The following FAM163A variants were observed in gnomAD, a reference collection of about 807,000 sequenced individuals.
FAM163A encodes family with sequence similarity 163 member A, also known as protein FAM163A.
A neutral mutation model predicts 12.0 loss-of-function variants in FAM163A; 7 were observed. The observed-to-expected ratio is 0.58, with a 90% CI of 0.33 to 1.10. FAM163A has a LOEUF of 1.10. FAM163A is among the 50% of genes least tolerant of loss of function. The pLI is 0.03. For synonymous variants in FAM163A, 101 were observed against 91.0 expected (o/e 1.11, Z -0.62); for missense variants, 202 against 218.6 (o/e 0.92, Z 0.48).
intron 1 of FAM163A, among the ~76,000 whole-genome samples, chr1:179,756,701 A>G (rs930068647): frequency 2.0e-5 from 3 of 152,206 alleles, no homozygotes; most frequent in African/African-American, 7.2e-5. Context: ...TAAGGCAGGC[A>G]TGGTGAGGCA....
intron 1 of FAM163A, among the ~76,000 whole-genome samples, chr1:179,771,128 C>T (rs935534940): frequency 6.6e-6 from 1 of 152,152 alleles, no homozygotes; most frequent in Admixed American, 6.5e-5. Context: ...GCCACTACCA[C>T]CCCACCCCAT....
At chr1:179,797,563 C>T (rs1181437581) in intron 1 of FAM163A, among the ~76,000 whole-genome samples, 5 of 152,012 alleles carry the variant, frequency 3.3e-5, no homozygotes, top group Non-Finnish European at 7.4e-5. Context: ...TGAAAATTGC[C>T]AAGAGAGTAC....
At chr1:179,747,181 A>T (rs1346291120) in intron 1 of FAM163A, among the ~76,000 whole-genome samples, 1 of 148,684 alleles carries the variant, frequency 6.7e-6, no homozygotes, top group African/African-American at 2.5e-5. Context: ...AAAAAAAAAA[A>T]GGTTTGACAT....
At chr1:179,805,562 T>C (rs1208819613) in intron 1 of FAM163A, among the ~76,000 whole-genome samples, 1 of 150,352 alleles carries the variant, frequency 6.7e-6, no homozygotes, top group Non-Finnish European at 1.5e-5. Context: ...AAAAAAGGAA[T>C]GCATAATAAT....
At chr1:179,811,256 G>T (rs1448954758) in intron 2 of FAM163A, among the ~76,000 whole-genome samples, 1 of 152,178 alleles carries the variant, frequency 6.6e-6, no homozygotes, top group Non-Finnish European at 1.5e-5. Context: ...GGGTATGAAG[G>T]AAGGCTTAAC....
chr1:179,772,857 T>C (rs1033964583), intron 1 of FAM163A, among the ~76,000 whole-genome samples: 8 of 151,528 alleles, frequency 5.3e-5, no homozygotes, highest in Non-Finnish European at 1.2e-4. Flanking sequence ...TGGCTCTAGA[T>C]GGCTGCTAGA....
chr1:179,738,888 G>GAA (rs1683302862), upstream of FAM163A, among the ~76,000 whole-genome samples: 1 of 152,160 alleles, frequency 6.6e-6, no homozygotes, highest in African/African-American at 2.4e-5. Context: ...GGAATAAAGT[G>GAA]GGCAGAATCA....
chr1:179,806,934 T>A (rs1399793582), intron 1 of FAM163A, among the ~76,000 whole-genome samples: 3 of 152,084 alleles, frequency 2.0e-5, no homozygotes, highest in Non-Finnish European at 2.9e-5. Flanking sequence ...TGAAACTCTA[T>A]CTCTACTAAA....
intron 1 of FAM163A, among the ~76,000 whole-genome samples, chr1:179,805,346 C>A (rs903930118): frequency 6.6e-6 from 1 of 152,054 alleles, no homozygotes; most frequent in Non-Finnish European, 1.5e-5. Context: ...GGTGAAACCC[C>A]ATTTCTACTA....
intron 1 of FAM163A, among the ~76,000 whole-genome samples, chr1:179,795,954 TTCTC>T (rs1162156502): frequency 1.3e-5 from 1 of 79,714 alleles, no homozygotes; most frequent in Non-Finnish European, 2.4e-5. Context: ...ACAGGAGTCT[TTCTC>T]TATTATTATT....
At chr1:179,739,468 G>A (rs1683382946), upstream of FAM163A, among the ~76,000 whole-genome samples, 1 of 152,190 alleles carries the variant, frequency 6.6e-6, no homozygotes, top group African/African-American at 2.4e-5. Flanking sequence ...AGCCTCCCAG[G>A]ATGGTTTTGA....
rs200790225 is a variant in FAM163A, at chr1:179,764,009, CAG to C, written c.-136+20597_-136+20598del. Among the ~76,000 whole-genome samples the C allele has an allele frequency of 1.1e-4, 16 of 152,144 alleles. No homozygotes were observed. In the South Asian group the frequency reaches 3.1e-3, roughly 30 times the overall value. On this transcript the variant is annotated intron_variant, in intron 1 of 4. Transcript: ENST00000341785. ...AAGACTACACACACACAAAGAGAGACAGAGAGAGAGAGTGCATGCTCTTTGTA... is the reference window on the plus strand; with the variant it reads ...AAGACTACACACACACAAAGAGAGACAGAGAGAGAGTGCATGCTCTTTGTA...
the FAM163A span, among the ~76,000 whole-genome samples, chr1:179,728,514 G>C: frequency 1.3e-5 from 2 of 152,110 alleles, no homozygotes; most frequent in Non-Finnish European, 2.9e-5. Flanking sequence ...TGCAGCTCCT[G>C]TTGCAGCTTC....
intron 1 of FAM163A, among the ~76,000 whole-genome samples, chr1:179,790,870 A>G (rs779377200): frequency 2.6e-5 from 4 of 152,200 alleles, no homozygotes; most frequent in Non-Finnish European, 4.4e-5. Context: ...GGGATAAAAG[A>G]GGGAAATTCC....
At chr1:179,807,350 T>C (rs763354383) in intron 1 of FAM163A, among the ~76,000 whole-genome samples, 2 of 151,786 alleles carry the variant, frequency 1.3e-5, no homozygotes, top group South Asian at 4.2e-4. Flanking sequence ...CTGGGAAAAA[T>C]AGGCCCGGGA....
At chr1:179,759,682 T>G (rs1350731760) in intron 1 of FAM163A, among the ~76,000 whole-genome samples, 5 of 152,002 alleles carry the variant, frequency 3.3e-5, no homozygotes, top group Non-Finnish European at 7.4e-5. Flanking sequence ...CCTTTTTTTT[T>G]TTGAGACAGA....
Position 179,816,103 on chromosome 1 carries a change from A to G in FAM163A, c.*1914A>G, listed in dbSNP as rs1400465948. On this transcript the variant is annotated 3_prime_UTR_variant, in exon 5 of 5. Transcript: ENST00000341785. ...CACTCCCTCTTGCCCTAATCCTGGC[A>G]GGGTCTGGATGTATTTACCCAACTC... 1 of 152,258 alleles carries G rather than the reference A, an allele frequency of 6.6e-6. No individual in the cohort carries two copies. The highest frequency in any genetic ancestry group is 2.4e-5 in the African/African-American group (1 of 41,460). The allele number at this position is 152,258 out of a possible 1,614,324, so 9.4% of individuals were successfully genotyped here.
intron 1 of FAM163A, among the ~76,000 whole-genome samples, chr1:179,751,830 A>G (rs955236131): frequency 1.3e-5 from 2 of 152,238 alleles, no homozygotes; most frequent in Non-Finnish European, 2.9e-5. Context: ...AAATGGAAAG[A>G]CATCCTGTGT....
chr1:179,779,621 G>T (rs1445102505), intron 1 of FAM163A, among the ~76,000 whole-genome samples: 1 of 152,222 alleles, frequency 6.6e-6, no homozygotes, highest in Non-Finnish European at 1.5e-5. Flanking sequence ...TGGCTTTCTA[G>T]ACATTTGAGA....
Sources: gnomAD v4.1 joint callset for allele counts (sites outside exome capture counted in the v4.1 genomes callset) on GRCh38, gnomAD v4.1.1 for gene constraint, MANE v1.5 for transcripts, NCBI Gene and HGNC (gene_info 2026-07-23, HGNC 2026-07-21) for gene names.